BEND2: variants seen among roughly 807,000 people sequenced by gnomAD.
The protein encoded by BEND2 is BEN domain containing 2, also known as BEN domain-containing protein 2.
BEND2 carries 19 observed loss-of-function variants against 43.8 expected under a neutral mutation model. That is an observed-to-expected ratio of 0.43 (90% CI 0.30 to 0.64). BEND2 has a LOEUF of 0.64. Among genes scored for constraint, BEND2 ranks in the 30% least tolerant of loss-of-function variants. The pLI, the probability that BEND2 is intolerant of heterozygous loss-of-function variation, is 0.11. For missense variants in BEND2, 544 were observed against 574.0 expected, an observed-to-expected ratio of 0.95 and a Z score of 0.53; for synonymous variants, 226 against 210.1, an observed-to-expected ratio of 1.08 and a Z score of -0.66.
intron 13 of BEND2, 27 bp from the exon 14 acceptor site, chrX:18,165,250 A>G: frequency 9.0e-7 from 1 of 1,106,043 alleles, no homozygotes. Flanking sequence ...AAGACATAAC[A>G]GTTACTTGCA....
intron 4 of BEND2, among the ~76,000 whole-genome samples, chrX:18,206,267 T>C (rs1046288937): frequency 1.8e-5 from 2 of 111,008 alleles, no homozygotes; most frequent in African/African-American, 6.6e-5. Context: ...ATGGAGAGCT[T>C]TTCAGAGGAG....
At chrX:18,199,464 C>A (rs889039345) in intron 6 of BEND2, among the ~76,000 whole-genome samples, 1 of 111,653 alleles carries the variant, frequency 9.0e-6, no homozygotes, top group African/African-American at 3.3e-5. Flanking sequence ...TTTCATAGAA[C>A]TAAATACACA....
intron 8 of BEND2, 29 bp downstream of exon 8, chrX:18,190,972 A>G (rs748819273): frequency 1.8e-6 from 2 of 1,122,565 alleles, no homozygotes; most frequent in Admixed American, 4.6e-5. Flanking sequence ...AAAGAGTGCT[A>G]CTTGTAACAT....
chrX:18,200,502 CAAAA>C (rs397895069), intron 6 of BEND2, among the ~76,000 whole-genome samples: 3 of 38,653 alleles, frequency 7.8e-5, no homozygotes, highest in Non-Finnish European at 9.6e-5. Context: ...GACTCTGTCT[CAAAA>C]AAAAAAAAAA....
intron 12 of BEND2, among the ~76,000 whole-genome samples, chrX:18,172,984 T>G (rs1388125390): frequency 9.0e-6 from 1 of 111,236 alleles, no homozygotes; most frequent in African/African-American, 3.3e-5. Context: ...AAAAAAAAAC[T>G]GAAGGAAAAT....
chrX:18,175,125 T>G (rs756045686), intron 11 of BEND2, among the ~76,000 whole-genome samples: 2 of 112,029 alleles, frequency 1.8e-5, no homozygotes, highest in South Asian at 7.5e-4. Flanking sequence ...TAGGGTGCAA[T>G]TTTTGAAGGC....
At chrX:18,176,368 C>CAAAAA (rs57898259) in intron 10 of BEND2, among the ~76,000 whole-genome samples, 1 of 58,289 alleles carries the variant, frequency 1.7e-5, no homozygotes, top group African/African-American at 7.0e-5. Context: ...TCTTGGTGCT[C>CAAAAA]AAAAAAAAAA....
intron 1 of BEND2, among the ~76,000 whole-genome samples, chrX:18,219,969 T>C (rs1207065259): frequency 9.0e-6 from 1 of 110,957 alleles, no homozygotes; most frequent in Non-Finnish European, 1.9e-5. Flanking sequence ...ACAAAAAACC[T>C]CTGTGAAAGT....
In BEND2 at chrX:18,220,780, C is replaced by T. The variant is rs776000613; in HGVS notation, c.-30G>A. 4.2e-6 allele frequency: 5 copies of T among 1,199,254 alleles called. No individual in the cohort carries two copies. Among genetic ancestry groups the T allele is most frequent in the Non-Finnish European group, 5.6e-6 (5 of 887,802 alleles). On this transcript the variant is annotated 5_prime_UTR_variant, in exon 1 of 14. Coordinates refer to ENST00000380033, the MANE Select transcript of BEND2 (RefSeq NM_153346.5). The stretch of plus-strand genomic sequence containing the variant: ...AGATGGCGGGGTCTGGCTCTGAGGC[C>T]CGAGACCTGAGGCCCGAGACCTGAG...
intron 7 of BEND2, among the ~76,000 whole-genome samples, chrX:18,193,783 C>T (rs1409901280): frequency 4.5e-5 from 5 of 111,437 alleles, no homozygotes; most frequent in Non-Finnish European, 7.5e-5. Context: ...GAATGGAGAG[C>T]GATAAAGAGG....
At position 18,220,862 on chromosome X, in the gene BEND2, G is replaced by T; in HGVS notation, c.-112C>A. 1 of 876,014 alleles carries T rather than the reference G, an allele frequency of 1.1e-6. No individual in the cohort carries two copies. The highest frequency in any genetic ancestry group is 1.6e-6 in the Non-Finnish European group (1 of 625,961). The allele number at this position is 876,014 out of a possible 1,213,427, so 72.2% of individuals were successfully genotyped here. A position where few individuals can be genotyped will look rare whatever the true frequency, so the allele number is the denominator to read the frequency against. ...TGCTTGGTAACTGTGTGGTAACTGC[G>T]TACACTCGTTGTCCGAGGCACAATG... On this transcript the variant is annotated 5_prime_UTR_variant, in exon 1 of 14. Coordinates refer to ENST00000380033, the MANE Select transcript of BEND2 (RefSeq NM_153346.5).
chrX:18,212,747 C>T, intron 3 of BEND2, 67 bp from the exon 4 acceptor site: 3 of 688,681 alleles, frequency 4.4e-6, no homozygotes, highest in Non-Finnish European at 6.6e-6. Flanking sequence ...TACGGATATG[C>T]TCTCAGAATG....
At chrX:18,197,535 C>T (rs1924994794) in intron 6 of BEND2, among the ~76,000 whole-genome samples, 1 of 112,019 alleles carries the variant, frequency 8.9e-6, no homozygotes, top group Non-Finnish European at 1.9e-5. Flanking sequence ...TGTAATACAG[C>T]ATCTGAAATT....
At chrX:18,195,463 T>G in intron 6 of BEND2, 21 bp from the exon 7 acceptor site, 1 of 1,168,733 alleles carries the variant, frequency 8.6e-7, no homozygotes, top group South Asian at 1.9e-5. Flanking sequence ...AAAAAAAGAA[T>G]GCTCAATCAT....
At chrX:18,219,575 G>A (rs1215999899) in intron 1 of BEND2, among the ~76,000 whole-genome samples, 1 of 112,782 alleles carries the variant, frequency 8.9e-6, no homozygotes, top group Non-Finnish European at 1.9e-5. Context: ...CAAAATGTCT[G>A]ACAGGAAATC....
Position 18,177,774 on chromosome X carries a change from A to C in BEND2, c.1430-5T>G, listed in dbSNP as rs369160461. The C allele has an allele frequency of 8.4e-7, 1 of 1,195,761 alleles. No homozygotes were observed. The highest frequency in any genetic ancestry group is 1.8e-5 in the African/African-American group (1 of 56,913). ...TTTTTGGATCACCAAGATAGCCTTT[A>C]AAAATAAAGAGAAAAAGGAACATCC... On this transcript the variant is annotated splice_region_variant and splice_polypyrimidine_tract_variant and intron_variant, in intron 9 of 13. Coordinates refer to ENST00000380033, the MANE Select transcript of BEND2 (RefSeq NM_153346.5).
At chrX:18,214,298 T>C (rs919443051) in intron 2 of BEND2, among the ~76,000 whole-genome samples, 1 of 111,096 alleles carries the variant, frequency 9.0e-6, no homozygotes, top group Non-Finnish European at 1.9e-5. Context: ...TATGATTCAA[T>C]TGGTATAAAA....
rs759631038 is a variant in BEND2, at chrX:18,186,998, C to T, written c.1288+4003G>A. Among the ~76,000 whole-genome samples the T allele has an allele frequency of 1.7e-4, 18 of 106,310 alleles. 1 individual carries two copies. The South Asian group carries it at 3.7e-3, about 22-fold the overall frequency. The allele number at this position is 106,310 out of a possible 115,157, so 92.3% of individuals were successfully genotyped here. A position where few individuals can be genotyped will look rare whatever the true frequency, so the allele number is the denominator to read the frequency against. On this transcript the variant is annotated intron_variant, in intron 8 of 13. Coordinates refer to ENST00000380033, the MANE Select transcript of BEND2 (RefSeq NM_153346.5). ...AAAAAAAAAAGATACGATGGACACA[C>T]ACACACAAAAACAAGAAATTAAATC...
At chrX:18,202,327 A>G (rs1925192796) in intron 5 of BEND2, among the ~76,000 whole-genome samples, 1 of 112,233 alleles carries the variant, frequency 8.9e-6, no homozygotes. Flanking sequence ...GGGTATAATA[A>G]ATATGTGCAG....
Sources: allele counts gnomAD v4.1 joint callset (sites outside exome capture counted in the v4.1 genomes callset), GRCh38; gene constraint gnomAD v4.1.1; transcripts MANE v1.5; gene names NCBI Gene and HGNC (gene_info 2026-07-23, HGNC 2026-07-21).